The following MTHFD1 variants were observed in gnomAD, a reference collection of about 807,000 sequenced individuals.
The protein encoded by MTHFD1 is C-1-tetrahydrofolate synthase, cytoplasmic.
MTHFD1 carries 44 observed loss-of-function variants against 110.3 expected under a neutral mutation model. The ratio of observed to expected loss-of-function variants is 0.40; its 90% CI spans 0.31 to 0.51. The LOEUF (loss-of-function observed/expected upper bound fraction) is 0.51, where lower values mean the gene tolerates loss of function less well. Ranked by LOEUF, MTHFD1 falls within the 20% of genes least tolerant of loss-of-function variation. The pLI is 0.60. For synonymous variants in MTHFD1, 402 were observed against 428.8 expected (o/e 0.94, Z 0.77); for missense variants, 909 against 1,173.1 (o/e 0.77, Z 3.29).
intron 18 of MTHFD1, 29 bp from the exon 19 acceptor site, chr14:64,441,356 A>C: frequency 6.2e-7 from 1 of 1,609,976 alleles, no homozygotes; most frequent in South Asian, 1.1e-5. Context: ...TGCTGGTGGG[A>C]GTTGATGCTG....
chr14:64,433,713 C>CTTTTT lies in MTHFD1; in HGVS notation c.1494+1852_1494+1853insTTTTT, dbSNP rs1270622250. ...TACTTGCATGAACCACTGAGCTCAG[C>CTTTTT]ATTTTTTTTTTTTTTTTTTTTTTAA... On this transcript the variant is annotated intron_variant, in intron 15 of 27. Transcript: ENST00000652337. 5.3e-5 allele frequency among the ~76,000 whole-genome samples: 7 copies of CTTTTT among 133,250 alleles called. 1 individual carries two copies. Among genetic ancestry groups the CTTTTT allele is most frequent in the African/African-American group, 1.5e-4 (5 of 34,050 alleles). 87.4% of individuals were successfully genotyped at this position (133,250 alleles called of 152,430 possible). A position where few individuals can be genotyped will look rare whatever the true frequency, so the allele number is the denominator to read the frequency against.
intron 1 of MTHFD1, among the ~76,000 whole-genome samples, chr14:64,394,904 T>C (rs2077834878): frequency 6.6e-6 from 1 of 152,160 alleles, no homozygotes; most frequent in African/African-American, 2.4e-5. Flanking sequence ...TCCCCATTCT[T>C]TCTACCTTCC....
At chr14:64,425,366 C>T (rs1476641461) in intron 9 of MTHFD1, among the ~76,000 whole-genome samples, 2 of 152,006 alleles carry the variant, frequency 1.3e-5, no homozygotes, top group African/African-American at 4.8e-5. Flanking sequence ...GTGTGCACCA[C>T]CACGCCCGGC....
chr14:64,427,562 G>A (rs1033852164), intron 12 of MTHFD1, 89 bp downstream of exon 12: 2 of 1,285,010 alleles, frequency 1.6e-6, no homozygotes, highest in African/African-American at 1.5e-5. Context: ...ATACTTATGG[G>A]GTCTTCAACT....
intron 25 of MTHFD1, 151 bp from the exon 26 acceptor site, chr14:64,454,572 A>G: frequency 1.5e-6 from 1 of 671,952 alleles, no homozygotes; most frequent in Non-Finnish European, 2.5e-6. Flanking sequence ...GGCTTAATAA[A>G]TAAGCTGGAG....
At chr14:64,445,754 G>A (rs777330419) in intron 22 of MTHFD1, among the ~76,000 whole-genome samples, 14 of 152,162 alleles carry the variant, frequency 9.2e-5, no homozygotes, top group Non-Finnish European at 1.9e-4. Context: ...AGCCTTTCCT[G>A]TGTCTAATTA....
intron 1 of MTHFD1, chr14:64,390,256 G>A (rs1269397987): frequency 2.0e-5 from 3 of 151,682 alleles, no homozygotes; most frequent in East Asian, 1.9e-4. Context: ...ATAAGTATTC[G>A]ATATATGTTG....
rs569426373 is a variant in MTHFD1, at chr14:64,421,876, T to C, written c.727+1951T>C. ...TCCTGACCTCGTGATCCGCCCACCT[T>C]TGCCTCCCAAAGTGCTGGGATTACA... is the stretch of plus-strand genomic sequence containing the variant. On this transcript the variant is annotated intron_variant, in intron 8 of 27. Coordinates refer to ENST00000652337, the MANE Select transcript of MTHFD1 (RefSeq NM_005956.4). 2.1e-4 allele frequency among the ~76,000 whole-genome samples: 32 copies of C among 152,150 alleles called. No individual in the cohort carries two copies. In the East Asian group the frequency reaches 3.9e-3, roughly 18 times the overall value.
At chr14:64,441,238 A>G (rs2078244459) in intron 18 of MTHFD1, 147 bp from the exon 19 acceptor site, 3 of 787,934 alleles carry the variant, frequency 3.8e-6, no homozygotes, top group Non-Finnish European at 6.8e-6. Flanking sequence ...CATATCCAGA[A>G]AAAAACCATG....
At chr14:64,420,456 T>G (rs1465052972) in intron 8 of MTHFD1, among the ~76,000 whole-genome samples, 1 of 152,182 alleles carries the variant, frequency 6.6e-6, no homozygotes, top group Non-Finnish European at 1.5e-5. Context: ...CTCCCGTCTT[T>G]TGGTTAGTAT....
intron 23 of MTHFD1, chr14:64,448,576 A>T: frequency 4.0e-6 from 2 of 497,644 alleles, no homozygotes; most frequent in Admixed American, 6.5e-5. Context: ...CCTGAAGTTC[A>T]ATGTTCCTTT....
chr14:64,419,411 A>C (rs907262751), intron 7 of MTHFD1, among the ~76,000 whole-genome samples: 3 of 152,208 alleles, frequency 2.0e-5, no homozygotes, highest in South Asian at 2.1e-4. Flanking sequence ...GCAGTCTCTT[A>C]AATGTGGGGA....
intron 8 of MTHFD1, among the ~76,000 whole-genome samples, chr14:64,420,531 G>C (rs1189640190): frequency 6.6e-6 from 1 of 151,994 alleles, no homozygotes; most frequent in Non-Finnish European, 1.5e-5. Flanking sequence ...CCCTATATTG[G>C]ACCAGTCTCT....
chr14:64,421,480 G>A (rs1307890934), intron 8 of MTHFD1, among the ~76,000 whole-genome samples: 1 of 152,268 alleles, frequency 6.6e-6, no homozygotes, highest in East Asian at 1.9e-4. Flanking sequence ...GTGCTTTTAA[G>A]ACAGTAGCTC....
chr14:64,436,870 C>G (rs73263798), intron 16 of MTHFD1, among the ~76,000 whole-genome samples: 77 of 152,284 alleles, frequency 5.1e-4, no homozygotes, highest in African/African-American at 1.8e-3. Flanking sequence ...GTTTTCTAAG[C>G]AACTAGAGGC....
chr14:64,404,113 T>G (rs2077920425), intron 2 of MTHFD1, among the ~76,000 whole-genome samples: 1 of 152,216 alleles, frequency 6.6e-6, no homozygotes, highest in African/African-American at 2.4e-5. Context: ...CATAAATCTT[T>G]GAAAAGGTCT....
At position 64,430,372 on chromosome 14, in the gene MTHFD1, C is replaced by T. The variant is rs2078148657; in HGVS notation, c.1311+142C>T. ...GGAGTGCAATGGCGCAATCTCGGCT[C>T]ACTGCAACCTCTGCCTCCCAGGTTC... is the stretch of plus-strand genomic sequence containing the variant. On this transcript the variant is annotated intron_variant, in intron 13 of 27. Transcript: ENST00000652337. 5 of 771,378 alleles carry T rather than the reference C, an allele frequency of 6.5e-6. No individual in the cohort carries two copies. In the Admixed American group the frequency reaches 7.8e-5, roughly 12 times the overall value. 47.8% of individuals were successfully genotyped at this position (771,378 alleles called of 1,614,324 possible).
Position 64,442,336 on chromosome 14 carries a change from C to T in MTHFD1, c.2070C>T (p.Leu690=), listed in dbSNP as rs1017712611. The T allele has an allele frequency of 1.9e-6, 3 of 1,614,228 alleles. No individual in the cohort carries two copies. Among genetic ancestry groups the T allele is most frequent in the African/African-American group, 2.7e-5 (2 of 75,068 alleles). Residue 690 remains leucine, a synonymous_variant, in exon 21 of 28, where the codon CTC becomes CTT. Transcript: ENST00000652337. The part of the protein sequence containing the change: ...FFNIKCRYSG[L]CPHVVVLVAT... ...ACATCAAATGCCGGTATTCCGGCCT[C>T]TGCCCCCACGTGGTGGTGCTTGTTG...
Position 64,431,526 on chromosome 14 carries a change from T to G in MTHFD1, c.1312-6T>G, listed in dbSNP as rs760801412. On this transcript the variant is annotated splice_polypyrimidine_tract_variant and splice_region_variant and intron_variant, in intron 13 of 27. Coordinates refer to ENST00000652337, the MANE Select transcript of MTHFD1 (RefSeq NM_005956.4). Reference sequence around the variant, plus strand: ...GGAGACTAATGTGGCTTCTGTTCTTTTGTAGTTTAATCTCCACCTCACAGG... The same window carrying G: ...GGAGACTAATGTGGCTTCTGTTCTTGTGTAGTTTAATCTCCACCTCACAGG... 6 of 1,610,712 alleles carry G rather than the reference T, an allele frequency of 3.7e-6. No homozygotes were observed. Among genetic ancestry groups the G allele is most frequent in the Admixed American group, 3.3e-5 (2 of 59,986 alleles).
Sources: allele counts gnomAD v4.1 joint callset (sites outside exome capture counted in the v4.1 genomes callset), GRCh38; gene constraint gnomAD v4.1.1; transcripts MANE v1.5; gene names NCBI Gene and HGNC (gene_info 2026-07-23, HGNC 2026-07-21).